ATXN8OS: variants seen among roughly 807,000 people sequenced by gnomAD.
ATXN8OS encodes ATXN8 opposite strand (non-protein coding).
chr13:70,107,795 G>A, exon 1 of ATXN8OS: 1 of 914,814 alleles, frequency 1.1e-6, no homozygotes, highest in Non-Finnish European at 1.6e-6. Flanking sequence ...CGGAGGAAGA[G>A]GCGGGATGCG....
intron 1 of ATXN8OS, among the ~76,000 whole-genome samples, chr13:70,110,338 A>G (rs1325773232): frequency 1.3e-5 from 2 of 152,162 alleles, no homozygotes; most frequent in African/African-American, 4.8e-5. Flanking sequence ...TCTTGGGAAT[A>G]TATTTAAATA....
At chr13:70,110,960 T>C (rs79487254) in intron 1 of ATXN8OS, among the ~76,000 whole-genome samples, 3,603 of 152,314 alleles carry the variant, frequency 0.024, 101 homozygotes, top group African/African-American at 0.066. Context: ...AAACACACTT[T>C]GTTTTAAAGA....
chr13:70,123,107 A>C (rs1449989689), intron 2 of ATXN8OS, among the ~76,000 whole-genome samples: 1 of 152,062 alleles, frequency 6.6e-6, no homozygotes, highest in Non-Finnish European at 1.5e-5. Context: ...TCTAAATCGA[A>C]ATTCTCCATG....
At chr13:70,134,658 A>G (rs562869948) in intron 3 of ATXN8OS, among the ~76,000 whole-genome samples, 1 of 152,326 alleles carries the variant, frequency 6.6e-6, no homozygotes, top group South Asian at 2.1e-4. Context: ...CAAGCACTGG[A>G]TTCAACAATG....
At chr13:70,159,028 A>G (rs751916333) in intron 4 of ATXN8OS, among the ~76,000 whole-genome samples, 1 of 152,128 alleles carries the variant, frequency 6.6e-6, no homozygotes, top group Non-Finnish European at 1.5e-5. Flanking sequence ...TATATCATAT[A>G]TATTTATGCT....
At chr13:70,143,638 C>T (rs1888745437) in intron 3 of ATXN8OS, among the ~76,000 whole-genome samples, 1 of 152,066 alleles carries the variant, frequency 6.6e-6, no homozygotes, top group Admixed American at 6.6e-5. Context: ...TTAGGTTGAG[C>T]GGTGGGTACC....
intron 4 of ATXN8OS, among the ~76,000 whole-genome samples, chr13:70,151,442 T>A (rs1888865490): frequency 6.6e-6 from 1 of 152,126 alleles, no homozygotes; most frequent in Non-Finnish European, 1.5e-5. Flanking sequence ...CAGGTTCATC[T>A]ATTTTTGCTG....
At chr13:70,167,506 G>A (rs1172298412) in intron 4 of ATXN8OS, among the ~76,000 whole-genome samples, 2 of 151,938 alleles carry the variant, frequency 1.3e-5, no homozygotes, top group Non-Finnish European at 2.9e-5. Context: ...TCTGGGGACT[G>A]TTGTGGTGTG....
intron 4 of ATXN8OS, among the ~76,000 whole-genome samples, chr13:70,168,356 ATGTGT>A (rs1170275485): frequency 6.6e-6 from 1 of 152,078 alleles, no homozygotes; most frequent in Non-Finnish European, 1.5e-5. Context: ...CACTTATATA[ATGTGT>A]TGGGAGCATT....
At chr13:70,119,461 G>C (rs1030189122) in intron 2 of ATXN8OS, among the ~76,000 whole-genome samples, 1 of 152,040 alleles carries the variant, frequency 6.6e-6, no homozygotes, top group African/African-American at 2.4e-5. Context: ...TCTGCTCTGG[G>C]TTGTGATCTC....
intron 3 of ATXN8OS, among the ~76,000 whole-genome samples, chr13:70,133,466 T>C (rs984937283): frequency 7.9e-5 from 12 of 152,164 alleles, no homozygotes; most frequent in Admixed American, 7.2e-4. Context: ...ATGAAAAGTT[T>C]CTAATGGTTA....
At chr13:70,166,167 T>A (rs1028380452) in intron 4 of ATXN8OS, among the ~76,000 whole-genome samples, 1 of 151,986 alleles carries the variant, frequency 6.6e-6, no homozygotes, top group South Asian at 2.1e-4. Flanking sequence ...AAATTTAAAA[T>A]AGTAGTTCAT....
rs906054166 is a variant in ATXN8OS at position 70,130,745 on chromosome 13, C to T, written n.499+861C>T. The T allele has an allele frequency of 5.5e-5, 22 of 398,240 alleles. No individual in the cohort carries two copies. Among genetic ancestry groups the T allele is most frequent in the Admixed American group, 1.8e-4 (4 of 22,674 alleles). The allele number at this position is 398,240 out of a possible 1,614,324, so 24.7% of individuals were successfully genotyped here. A position where few individuals can be genotyped will look rare whatever the true frequency, so the allele number is the denominator to read the frequency against. The stretch of plus-strand genomic sequence containing the variant: ...ATCTGGCATAATCCAAGACTATTTA[C>T]GACAAGTGTTCTGTGTTTCTAATAA... On this transcript the variant is annotated intron_variant and non_coding_transcript_variant, in intron 3 of 4. Transcript: ENST00000678624.
At chr13:70,115,333 C>T in intron 2 of ATXN8OS, 1 of 397,886 alleles carries the variant, frequency 2.5e-6, no homozygotes, top group Non-Finnish European at 4.4e-6. Context: ...AATCCATTCA[C>T]AGGGAGGGAG....
chr13:70,121,951 G>A (rs1348603932), intron 2 of ATXN8OS, among the ~76,000 whole-genome samples: 1 of 151,820 alleles, frequency 6.6e-6, no homozygotes, highest in East Asian at 1.9e-4. Flanking sequence ...AGACAGCAGT[G>A]GCAGTTATTA....
At chr13:70,137,570 T>C (rs1033261996) in intron 3 of ATXN8OS, among the ~76,000 whole-genome samples, 17 of 152,166 alleles carry the variant, frequency 1.1e-4, no homozygotes, top group African/African-American at 4.1e-4. Flanking sequence ...TAGTACACTA[T>C]TTTGATTTGA....
At chr13:70,167,627 T>C (rs1889092441) in intron 4 of ATXN8OS, among the ~76,000 whole-genome samples, 3 of 147,884 alleles carry the variant, frequency 2.0e-5, no homozygotes. Context: ...AACCTGCACG[T>C]TGTGCACATG....
intron 3 of ATXN8OS, among the ~76,000 whole-genome samples, chr13:70,138,900 A>T (rs1466650522): frequency 6.6e-6 from 1 of 152,088 alleles, no homozygotes; most frequent in Non-Finnish European, 1.5e-5. Flanking sequence ...TGAAAGACTT[A>T]TTGGAATTCA....
chr13:70,107,693 C>G, upstream of ATXN8OS: 1 of 1,524,422 alleles, frequency 6.6e-7, no homozygotes, highest in Non-Finnish European at 8.8e-7. Context: ...CGCCCAGAGC[C>G]TGACATGCTT....
Sources: gnomAD v4.1 joint callset for allele counts (sites outside exome capture counted in the v4.1 genomes callset) on GRCh38, gnomAD v4.1.1 for gene constraint, MANE v1.5 for transcripts, NCBI Gene and HGNC (gene_info 2026-07-23, HGNC 2026-07-21) for gene names.